RALYL: variants seen among roughly 807,000 people sequenced by gnomAD.
RALYL encodes the protein RALY RNA binding protein like, also known as RNA-binding Raly-like protein.
RALYL carries 29 observed loss-of-function variants against 35.1 expected under a neutral mutation model. The observed-to-expected ratio is 0.83, with a 90% CI of 0.61 to 1.13. RALYL has a LOEUF of 1.13. Among genes scored for constraint, RALYL ranks in the 50% most tolerant of loss-of-function variants. The pLI, the probability that RALYL is intolerant of heterozygous loss-of-function variation, is 0.00. For synonymous variants in RALYL, 120 were observed against 127.6 expected (o/e 0.94, Z 0.40); for missense variants, 359 against 360.4 (o/e 1.00, Z 0.03).
At chr8:84,739,128 G>T (rs901043209) in intron 2 of RALYL, among the ~76,000 whole-genome samples, 3 of 151,972 alleles carry the variant, frequency 2.0e-5, no homozygotes, top group African/African-American at 4.8e-5. Context: ...ACATTCATAT[G>T]TTATATCTTC....
intron 1 of RALYL, among the ~76,000 whole-genome samples, chr8:84,411,515 G>T (rs576196870): frequency 1.2e-4 from 18 of 150,004 alleles, no homozygotes; most frequent in African/African-American, 3.7e-4. Flanking sequence ...TCCTGGTTTT[G>T]TTCTTTAGAA....
At chr8:84,781,872 GA>G (rs1340731482) in intron 3 of RALYL, among the ~76,000 whole-genome samples, 1 of 152,110 alleles carries the variant, frequency 6.6e-6, no homozygotes, top group Non-Finnish European at 1.5e-5. Context: ...TGTAGTAAAA[GA>G]AAATACTTGA....
intron 3 of RALYL, among the ~76,000 whole-genome samples, chr8:84,790,409 G>A (rs146154379): frequency 3.4e-4 from 52 of 152,328 alleles, no homozygotes; most frequent in African/African-American, 1.2e-3. Flanking sequence ...CAGATCATGG[G>A]ATCTGAAGCC....
chr8:84,759,115 C>T (rs1015299166), intron 2 of RALYL, among the ~76,000 whole-genome samples: 1 of 152,120 alleles, frequency 6.6e-6, no homozygotes, highest in Non-Finnish European at 1.5e-5. Context: ...ACCTCCTCTT[C>T]TTCCCTCCTC....
chr8:84,415,838 A>G (rs557516513), intron 1 of RALYL, among the ~76,000 whole-genome samples: 2 of 152,330 alleles, frequency 1.3e-5, no homozygotes, highest in Admixed American at 1.3e-4. Flanking sequence ...TAGGAAATGC[A>G]CTGATTCTCT....
intron 2 of RALYL, among the ~76,000 whole-genome samples, chr8:84,595,899 G>A (rs543955143): frequency 2.9e-4 from 44 of 151,714 alleles, no homozygotes; most frequent in Non-Finnish European, 4.7e-4. Flanking sequence ...AGGATCCTGA[G>A]CAAGAGTAAG....
At chr8:84,307,975 G>A (rs1842129666) in intron 1 of RALYL, among the ~76,000 whole-genome samples, 4 of 151,746 alleles carry the variant, frequency 2.6e-5, no homozygotes, top group African/African-American at 9.7e-5. Context: ...ATTTCCATTA[G>A]CTGTTAAGAA....
intron 2 of RALYL, chr8:84,678,943 A>C: frequency 4.0e-6 from 1 of 249,222 alleles, no homozygotes; most frequent in Non-Finnish European, 8.2e-6. Flanking sequence ...AAGCAGGTTG[A>C]GAATGACATT....
chr8:84,187,436 T>TA (rs1253373166), intron 1 of RALYL, among the ~76,000 whole-genome samples: 1 of 152,140 alleles, frequency 6.6e-6, no homozygotes, highest in Non-Finnish European at 1.5e-5. Flanking sequence ...TTTATGGTCA[T>TA]AATCAAGTAA....
At chr8:84,756,943 G>C (rs1585995287) in intron 2 of RALYL, among the ~76,000 whole-genome samples, 1 of 151,934 alleles carries the variant, frequency 6.6e-6, no homozygotes. Context: ...ACTTGATTTA[G>C]AGACCGTGAA....
chr8:84,432,825 G>A (rs1032436729), intron 1 of RALYL, among the ~76,000 whole-genome samples: 1 of 151,986 alleles, frequency 6.6e-6, no homozygotes, highest in Admixed American at 6.6e-5. Context: ...GCTAAAAAAA[G>A]GCAAGAAAGG....
chr8:84,744,444 T>C (rs1298911575), intron 2 of RALYL, among the ~76,000 whole-genome samples: 6 of 151,974 alleles, frequency 3.9e-5, no homozygotes, highest in African/African-American at 9.7e-5. Flanking sequence ...TTAGGTCCCA[T>C]TGAAGCAAAG....
At chr8:84,308,267 T>C (rs1842186479) in intron 1 of RALYL, among the ~76,000 whole-genome samples, 1 of 152,028 alleles carries the variant, frequency 6.6e-6, no homozygotes, top group Admixed American at 6.6e-5. Flanking sequence ...TTGACAAAAA[T>C]TTAAAGATCG....
At chr8:84,866,302 G>A (rs536830640) in intron 6 of RALYL, among the ~76,000 whole-genome samples, 1 of 152,238 alleles carries the variant, frequency 6.6e-6, no homozygotes, top group South Asian at 2.1e-4. Flanking sequence ...TACCATCGTG[G>A]CCTTGGGGAA....
At chr8:84,451,591 G>A (rs1227708146) in intron 1 of RALYL, among the ~76,000 whole-genome samples, 2 of 151,930 alleles carry the variant, frequency 1.3e-5, no homozygotes, top group East Asian at 3.9e-4. Flanking sequence ...TGAATTCTTA[G>A]TAGCTGATGG....
chr8:84,797,644 T>TA (rs974996804), intron 3 of RALYL, among the ~76,000 whole-genome samples: 22 of 151,080 alleles, frequency 1.5e-4, no homozygotes, highest in African/African-American at 3.9e-4. Context: ...AGTATGCAGT[T>TA]AAAAAAAAAG....
At chr8:84,898,363 A>G (rs1333934773) in intron 8 of RALYL, among the ~76,000 whole-genome samples, 2 of 152,216 alleles carry the variant, frequency 1.3e-5, no homozygotes, top group Non-Finnish European at 2.9e-5. Flanking sequence ...CTGAGGGTGC[A>G]TCTTTCATAA....
At chr8:84,603,375 T>C (rs1312531500) in intron 2 of RALYL, among the ~76,000 whole-genome samples, 1 of 152,116 alleles carries the variant, frequency 6.6e-6, no homozygotes, top group Non-Finnish European at 1.5e-5. Context: ...TTTGTCTTTG[T>C]CAGGTTAAAT....
chr8:84,311,090 A>AAAAAAAAAAAAAAAAAAT (rs1554614840), intron 1 of RALYL, among the ~76,000 whole-genome samples: 8 of 99,720 alleles, frequency 8.0e-5, no homozygotes, highest in Non-Finnish European at 1.1e-4. Context: ...AAAAAAAAAA[A>AAAAAAAAAAAAAAAAAAT]ATGTATATTA....
Sources: gnomAD v4.1 joint callset for allele counts (sites outside exome capture counted in the v4.1 genomes callset) on GRCh38, gnomAD v4.1.1 for gene constraint, MANE v1.5 for transcripts, NCBI Gene and HGNC (gene_info 2026-07-23, HGNC 2026-07-21) for gene names.